Variants in ITGAM observed in about 807,000 individuals in gnomAD.
ITGAM encodes integrin alpha-M.
ITGAM carries 79 observed loss-of-function variants against 137.5 expected under a neutral mutation model. The observed-to-expected ratio is 0.57, with a 90% CI of 0.48 to 0.69. The LOEUF is 0.69. Among genes scored for constraint, ITGAM ranks in the 30% least tolerant of loss-of-function variants. The pLI, the probability that ITGAM is intolerant of heterozygous loss-of-function variation, is 0.00. For missense variants in ITGAM, 1,343 were observed against 1,483.5 expected, an observed-to-expected ratio of 0.91 and a Z score of 1.56; for synonymous variants, 583 against 592.3, an observed-to-expected ratio of 0.98 and a Z score of 0.23.
intron 5 of ITGAM, among the ~76,000 whole-genome samples, chr16:31,266,838 T>A (rs1159979943): frequency 6.6e-6 from 1 of 151,150 alleles, no homozygotes; most frequent in East Asian, 1.9e-4. Flanking sequence ...CCTCTGTTGA[T>A]TGAGATTCTG....
At chr16:31,272,702 T>A (rs1212637025) in intron 7 of ITGAM, among the ~76,000 whole-genome samples, 1 of 150,894 alleles carries the variant, frequency 6.6e-6, no homozygotes, top group Non-Finnish European at 1.5e-5. Flanking sequence ...CAGGCTGGTC[T>A]TGAACTCCTG....
intron 12 of ITGAM, 132 bp downstream of exon 12, chr16:31,278,241 T>C: frequency 1.1e-6 from 1 of 945,130 alleles, no homozygotes; most frequent in Non-Finnish European, 1.6e-6. Flanking sequence ...AGCTGGGGAG[T>C]TGTGGGATCA....
At chr16:31,330,735 T>G in intron 28 of ITGAM, 130 bp downstream of exon 28, 3 of 660,306 alleles carry the variant, frequency 4.5e-6, no homozygotes, top group East Asian at 2.7e-5. Flanking sequence ...GACAGAGAGA[T>G]ACAGAGACGT....
At chr16:31,328,665 G>A (rs373726265) in intron 23 of ITGAM, among the ~76,000 whole-genome samples, 1 of 149,708 alleles carries the variant, frequency 6.7e-6, no homozygotes, top group East Asian at 2.0e-4. Flanking sequence ...GAGGATATAT[G>A]TGCATTGTGT....
chr16:31,324,669 G>C lies in ITGAM; in HGVS notation c.2176G>C (p.Val726Leu), dbSNP rs370936973. The change falls in exon 18 of 30, where the codon GTG becomes CTG. Residue 726 changes from valine to leucine, a missense_variant. Transcript: ENST00000544665. This position sits in a 1 kb window ranked among gnomAD's most constrained non-coding sequence, Gnocchi z 4.5. ...LQLPNCIEDP[V>L]SPIVLRLNFS... ...CTCTTAGAATTGCATCGAGGACCCAGTGAGCCCCATTGTGCTGCGCCTGAA... is the reference window on the plus strand; with the variant it reads ...CTCTTAGAATTGCATCGAGGACCCACTGAGCCCCATTGTGCTGCGCCTGAA... The C allele has an allele frequency of 1.1e-5, 17 of 1,602,850 alleles. No homozygotes were observed. In the African/African-American group the frequency reaches 1.9e-4, roughly 18 times the overall value.
rs559966971 is a variant in ITGAM at position 31,320,541 on chromosome 16, C to T, written c.1708-700C>T. On this transcript the variant is annotated intron_variant, in intron 14 of 29. Coordinates refer to ENST00000544665, the MANE Select transcript of ITGAM (RefSeq NM_000632.4). Reference sequence around the variant, plus strand: ...TAAAAAACAACAATTTCCACATACACGATGGTTTTGGCTTCATTTCCCTTG... The same window carrying T: ...TAAAAAACAACAATTTCCACATACATGATGGTTTTGGCTTCATTTCCCTTG... 1.8e-4 allele frequency among the ~76,000 whole-genome samples: 28 copies of T among 152,242 alleles called. 1 individual carries two copies. In the South Asian group the frequency reaches 3.3e-3, roughly 18 times the overall value.
chr16:31,270,743 A>ATATTTTTT (rs1475429642), intron 5 of ITGAM, among the ~76,000 whole-genome samples: 1 of 106,196 alleles, frequency 9.4e-6, no homozygotes, highest in African/African-American at 4.8e-5. Flanking sequence ...ATATATATAT[A>ATATTTTTT]TGTTTTTAAC....
At chr16:31,329,723 T>G in intron 24 of ITGAM, 75 bp from the exon 25 acceptor site, 5 of 1,283,188 alleles carry the variant, frequency 3.9e-6, no homozygotes, top group South Asian at 1.3e-5. Context: ...GCCTGCCCCG[T>G]GGGGAGGGGA....
intron 1 of ITGAM, among the ~76,000 whole-genome samples, chr16:31,260,869 G>C (rs2079691048): frequency 6.6e-6 from 1 of 152,208 alleles, no homozygotes; most frequent in Non-Finnish European, 1.5e-5. Flanking sequence ...ATGATAGGGA[G>C]CACCACCCCC....
intron 22 of ITGAM, 141 bp from the exon 23 acceptor site, chr16:31,328,006 G>A (rs555426597): frequency 8.8e-6 from 6 of 681,392 alleles, no homozygotes; most frequent in Admixed American, 4.4e-5. Context: ...GGCGGGGGCA[G>A]GGGTTGGAGA....
At chr16:31,285,603 C>T (rs1343646272) in intron 12 of ITGAM, among the ~76,000 whole-genome samples, 1 of 152,080 alleles carries the variant, frequency 6.6e-6, no homozygotes, top group East Asian at 1.9e-4. Context: ...TGCCACTGCA[C>T]TCCAGCCTGG....
chr16:31,269,521 A>T (rs2079805608), intron 5 of ITGAM, among the ~76,000 whole-genome samples: 1 of 152,364 alleles, frequency 6.6e-6, no homozygotes, highest in South Asian at 2.1e-4. Flanking sequence ...GGAGGTTAGA[A>T]GCAAGATGGA....
intron 26 of ITGAM, 33 bp downstream of exon 26, chr16:31,330,197 G>A: frequency 6.2e-7 from 1 of 1,605,890 alleles, no homozygotes; most frequent in Non-Finnish European, 8.5e-7. Flanking sequence ...GGGCCACACA[G>A]AGACCCAGAG....
Position 31,324,502 on chromosome 16 carries a change from A to G in ITGAM, c.2106A>G (p.Thr702=). 1 of 1,602,624 alleles carries G rather than the reference A, an allele frequency of 6.2e-7. No homozygotes were observed. The highest frequency in any genetic ancestry group is 8.5e-7 in the Non-Finnish European group (1 of 1,174,812). The change falls in exon 17 of 30, where the codon ACA becomes ACG. Residue 702 remains threonine, a synonymous_variant. Coordinates refer to ENST00000544665, the MANE Select transcript of ITGAM (RefSeq NM_000632.4). This position sits in a 1 kb window ranked among gnomAD's most constrained non-coding sequence, Gnocchi z 4.5. ...NETKNSTRRQ[T]QVLGLTQTCE... The stretch of plus-strand genomic sequence containing the variant: ...CAAAGAACAGCACACGCAGACAGAC[A>G]CAGGTCTTGGGGCTGACCCAGACTT...
intron 14 of ITGAM, among the ~76,000 whole-genome samples, chr16:31,300,783 A>G (rs1300371996): frequency 2.0e-5 from 3 of 152,240 alleles, no homozygotes; most frequent in East Asian, 1.9e-4. Context: ...GTGGTGGTGC[A>G]TGCCTGTAAT....
intron 23 of ITGAM, 149 bp from the exon 24 acceptor site, chr16:31,329,079 A>G (rs879179201): frequency 9.8e-5 from 5 of 50,986 alleles, no homozygotes; most frequent in Non-Finnish European, 1.5e-4. Context: ...TGGTTCCCCC[A>G]TCCCCCTGCA....
chr16:31,326,791 G>T, intron 21 of ITGAM, 65 bp from the exon 22 acceptor site: 1 of 1,065,828 alleles, frequency 9.4e-7, no homozygotes. Flanking sequence ...TTAATCAGAT[G>T]ACGGGCATTT....
At chr16:31,303,791 G>A (rs2080239151) in intron 14 of ITGAM, among the ~76,000 whole-genome samples, 1 of 152,070 alleles carries the variant, frequency 6.6e-6, no homozygotes, top group African/African-American at 2.4e-5. Context: ...TTTTATGGCT[G>A]GGTAGTACTC....
chr16:31,307,859 G>C (rs1265885271), intron 14 of ITGAM, among the ~76,000 whole-genome samples: 2 of 152,096 alleles, frequency 1.3e-5, no homozygotes, highest in African/African-American at 2.4e-5. Context: ...TAGCATGAAG[G>C]GTTGTTGAAT....
Sources: gnomAD v4.1 joint callset for allele counts (sites outside exome capture counted in the v4.1 genomes callset) on GRCh38, gnomAD v4.1.1 for gene constraint, Gnocchi (gnomAD v3.1) non-coding constraint, MANE v1.5 for transcripts, NCBI Gene and HGNC (gene_info 2026-07-23, HGNC 2026-07-21) for gene names.